Variants in CADPS observed in about 807,000 individuals in gnomAD.
CADPS encodes calcium-dependent secretion activator 1.
CADPS carries 57 observed loss-of-function variants against 167.3 expected under a neutral mutation model. The ratio of observed to expected loss-of-function variants is 0.34; its 90% CI spans 0.28 to 0.42. The LOEUF (loss-of-function observed/expected upper bound fraction) is 0.42. Among genes scored for constraint, CADPS ranks in the 20% least tolerant of loss-of-function variants. The pLI is 1.00. For synonymous variants in CADPS, 676 were observed against 635.3 expected (o/e 1.06, Z -0.96); for missense variants, 1,414 against 1,738.1 (o/e 0.81, Z 3.32).
intron 3 of CADPS, among the ~76,000 whole-genome samples, chr3:62,750,101 C>T (rs1258285470): frequency 1.3e-5 from 2 of 152,000 alleles, no homozygotes; most frequent in African/African-American, 2.4e-5. Context: ...CCTATAATCC[C>T]AGCACTTTGG....
At chr3:62,539,918 G>T (rs779461261) in intron 11 of CADPS, among the ~76,000 whole-genome samples, 1 of 152,136 alleles carries the variant, frequency 6.6e-6, no homozygotes, top group Non-Finnish European at 1.5e-5. Flanking sequence ...TATGAGGCAG[G>T]TTGCTTAATG....
chr3:62,588,902 A>G (rs765646604), intron 7 of CADPS, among the ~76,000 whole-genome samples: 1 of 152,202 alleles, frequency 6.6e-6, no homozygotes, highest in East Asian at 1.9e-4. Context: ...GGGAATATAT[A>G]CATATGTGCT....
intron 3 of CADPS, among the ~76,000 whole-genome samples, chr3:62,728,851 C>G (rs1399131624): frequency 6.6e-6 from 1 of 151,806 alleles, no homozygotes; most frequent in Non-Finnish European, 1.5e-5. Flanking sequence ...GTGTTTAAAA[C>G]CTTAAGCAGC....
intron 10 of CADPS, 26 bp from the exon 11 acceptor site, chr3:62,550,141 C>A: frequency 4.4e-6 from 7 of 1,578,888 alleles, no homozygotes; most frequent in Non-Finnish European, 6.1e-6. Flanking sequence ...GTAACAACTT[C>A]TACTAAGCTG....
rs1366195806 is a variant in CADPS, at chr3:62,455,731, A to G, written c.3636+9636T>C. On this transcript the variant is annotated intron_variant, in intron 26 of 29. Coordinates refer to ENST00000383710, the MANE Select transcript of CADPS (RefSeq NM_003716.4). The surrounding 1 kb of genome is among the most constrained non-coding windows in gnomAD (Gnocchi z 4.4). Reference sequence around the variant, plus strand: ...ACATCTCTCAACACTAAGAAGGGTGACAGAATGCAAGCTTGAAGAGGACAA... The same window carrying G: ...ACATCTCTCAACACTAAGAAGGGTGGCAGAATGCAAGCTTGAAGAGGACAA... Among the ~76,000 whole-genome samples the G allele has an allele frequency of 6.6e-6, 1 of 152,176 alleles. No individual in the cohort carries two copies. Among genetic ancestry groups the G allele is most frequent in the Non-Finnish European group, 1.5e-5 (1 of 68,024 alleles).
chr3:62,777,666 T>A (rs2090632037), intron 1 of CADPS, among the ~76,000 whole-genome samples: 1 of 152,168 alleles, frequency 6.6e-6, no homozygotes, highest in African/African-American at 2.4e-5. Context: ...ACGGGAACTC[T>A]TCTGTATTTT....
At chr3:62,482,327 A>T (rs900268769) in intron 21 of CADPS, among the ~76,000 whole-genome samples, 10 of 152,192 alleles carry the variant, frequency 6.6e-5, no homozygotes, top group African/African-American at 2.4e-4. Flanking sequence ...CATATTTCTC[A>T]ATCAGACGTT....
At chr3:62,562,819 A>T (rs2079414198) in intron 9 of CADPS, among the ~76,000 whole-genome samples, 1 of 152,220 alleles carries the variant, frequency 6.6e-6, no homozygotes, top group Non-Finnish European at 1.5e-5. Context: ...TGGCCAATCA[A>T]CATAGTATCT....
chr3:62,511,947 G>A (rs1216678851), intron 17 of CADPS, among the ~76,000 whole-genome samples: 1 of 152,138 alleles, frequency 6.6e-6, no homozygotes, highest in Non-Finnish European at 1.5e-5. Context: ...CTACCAGAGA[G>A]AAAGGTTCAT....
intron 1 of CADPS, among the ~76,000 whole-genome samples, chr3:62,857,165 CA>C (rs2079871197): frequency 6.6e-6 from 1 of 151,818 alleles, no homozygotes; most frequent in Admixed American, 6.6e-5. Context: ...TGGAAGGTAA[CA>C]GAATTTGTGA....
chr3:62,704,796 T>C (rs567520616), intron 3 of CADPS, among the ~76,000 whole-genome samples: 1 of 152,200 alleles, frequency 6.6e-6, no homozygotes, highest in Non-Finnish European at 1.5e-5. Context: ...CCTGATAATT[T>C]CTGCTTTTTC....
chr3:62,614,254 T>G (rs942598392), intron 6 of CADPS, among the ~76,000 whole-genome samples: 1 of 152,162 alleles, frequency 6.6e-6, no homozygotes, highest in Non-Finnish European at 1.5e-5. Flanking sequence ...ATGAGGGAAC[T>G]GAAGCTTAGG....
At chr3:62,839,821 A>T (rs2076392236) in intron 1 of CADPS, among the ~76,000 whole-genome samples, 1 of 152,200 alleles carries the variant, frequency 6.6e-6, no homozygotes, top group South Asian at 2.1e-4. Flanking sequence ...TCAAACAGTT[A>T]AGAGATAAAC....
chr3:62,699,045 G>C (rs770606439), intron 3 of CADPS, among the ~76,000 whole-genome samples: 1 of 151,902 alleles, frequency 6.6e-6, no homozygotes, highest in Non-Finnish European at 1.5e-5. Context: ...GGGGATTTCT[G>C]AAATTTTGGC....
chr3:62,552,725 T>C (rs1053198028), intron 10 of CADPS, among the ~76,000 whole-genome samples: 3 of 152,342 alleles, frequency 2.0e-5, no homozygotes, highest in Admixed American at 6.5e-5. Flanking sequence ...TGTGTATTGA[T>C]AGTTTTGCAC....
intron 24 of CADPS, among the ~76,000 whole-genome samples, chr3:62,470,055 T>G (rs1019370931): frequency 6.6e-6 from 1 of 152,212 alleles, no homozygotes; most frequent in South Asian, 2.1e-4. Context: ...GGAAATGAGA[T>G]GAAAACACAC....
intron 2 of CADPS, among the ~76,000 whole-genome samples, chr3:62,763,350 G>A (rs76290952): frequency 0.016 from 2,367 of 152,336 alleles, 23 homozygotes; most frequent in East Asian, 0.045. Context: ...AGCTGACCAA[G>A]AAGGAAGTCA....
intron 1 of CADPS, among the ~76,000 whole-genome samples, chr3:62,792,200 CTT>C (rs34746949): frequency 3.7e-4 from 53 of 144,102 alleles, no homozygotes; most frequent in African/African-American, 5.3e-4. Context: ...AGGTGTTTAA[CTT>C]TTTTTTTTTT....
At chr3:62,733,831 C>G (rs1044871935) in intron 3 of CADPS, among the ~76,000 whole-genome samples, 2 of 152,112 alleles carry the variant, frequency 1.3e-5, no homozygotes, top group Non-Finnish European at 2.9e-5. Context: ...AGTCTTTGGT[C>G]CCTTACCCCA....
Sources: gnomAD v4.1 joint callset for allele counts (sites outside exome capture counted in the v4.1 genomes callset) on GRCh38, gnomAD v4.1.1 for gene constraint, Gnocchi (gnomAD v3.1) non-coding constraint, MANE v1.5 for transcripts, NCBI Gene and HGNC (gene_info 2026-07-23, HGNC 2026-07-21) for gene names.